The following HDGFL2 variants were observed in gnomAD, a reference collection of about 807,000 sequenced individuals.
HDGFL2 encodes the protein HDGF like 2.
HDGFL2 carries 36 observed loss-of-function variants against 77.1 expected under a neutral mutation model. That is an observed-to-expected ratio of 0.47 (90% CI 0.36 to 0.62). The LOEUF is 0.62. Ranked by LOEUF, HDGFL2 falls within the 20% of genes least tolerant of loss-of-function variation. HDGFL2 has a pLI of 0.00. For missense variants in HDGFL2, 976 were observed against 973.4 expected, an observed-to-expected ratio of 1.00 and a Z score of -0.04; for synonymous variants, 463 against 413.1, an observed-to-expected ratio of 1.12 and a Z score of -1.46.
In HDGFL2 at chr19:4,487,972, T is replaced by C. The variant is rs200222409; in HGVS notation, c.289-704T>C. Among the ~76,000 whole-genome samples, 12 of 152,072 alleles carry C rather than the reference T, an allele frequency of 7.9e-5. No homozygotes were observed. The East Asian group carries it at 2.1e-3, about 27-fold the overall frequency. The stretch of plus-strand genomic sequence containing the variant: ...AAAAAAAAAAAGGAACCATTTCTTT[T>C]CTTTTTTTATTTTTTTGAGACAGAG... On this transcript the variant is annotated intron_variant, in intron 3 of 15. Transcript: ENST00000616600.
intron 7 of HDGFL2, 24 bp from the exon 8 acceptor site, chr19:4,493,958 C>T (rs1195593424): frequency 6.3e-7 from 1 of 1,595,646 alleles, no homozygotes; most frequent in Non-Finnish European, 8.5e-7. Flanking sequence ...AAGGGAAGGT[C>T]ACCCCCTCCT....
intron 15 of HDGFL2, 36 bp from the exon 16 acceptor site, chr19:4,501,875 A>C: frequency 7.2e-7 from 1 of 1,388,552 alleles, no homozygotes; most frequent in Non-Finnish European, 9.4e-7. Flanking sequence ...CAGGGGCGGG[A>C]GGGCATCCTC....
Position 4,496,316 on chromosome 19 carries a change from G to A in HDGFL2, c.1239G>A (p.Ala413=), listed in dbSNP as rs780946177. 21 of 1,613,976 alleles carry A rather than the reference G, an allele frequency of 1.3e-5. No homozygotes were observed. Among genetic ancestry groups the A allele is most frequent in the Middle Eastern group, 1.6e-4 (1 of 6,084 alleles). The part of the protein sequence containing the change: ...AELEREAKKS[A]KKPQSSSTEP... ...GACTGCTATAGGCCAAGAAATCAGC[G>A]AAGAAGCCGCAGTCCTCAAGCACAG... The change falls in exon 10 of 16, where the codon GCG becomes GCA. Residue 413 remains alanine, a synonymous_variant. Coordinates refer to ENST00000616600, the MANE Select transcript of HDGFL2 (RefSeq NM_001001520.3).
intron 6 of HDGFL2, among the ~76,000 whole-genome samples, chr19:4,493,247 GTGT>G (rs1293127937): frequency 6.9e-6 from 1 of 143,922 alleles, no homozygotes; most frequent in East Asian, 2.1e-4. Flanking sequence ...TGTGGTATGT[GTGT>G]TGTCTGTGTG....
chr19:4,496,436 G>A, intron 10 of HDGFL2, 31 bp downstream of exon 10: 2 of 1,565,164 alleles, frequency 1.3e-6, no homozygotes, highest in African/African-American at 2.7e-5. Context: ...CCACACCCTG[G>A]GGGCCCCGCA....
At chr19:4,479,262 A>G (rs1428868730) in intron 3 of HDGFL2, among the ~76,000 whole-genome samples, 2 of 151,732 alleles carry the variant, frequency 1.3e-5, no homozygotes, top group East Asian at 3.9e-4. Flanking sequence ...CAGACTGGCC[A>G]ACAGAATGAA....
chr19:4,501,472 GGC>G, intron 15 of HDGFL2, 155 bp downstream of exon 15: 1 of 871,572 alleles, frequency 1.1e-6, no homozygotes. Context: ...CTGACCCCAG[GGC>G]CCCGCTGGCT....
At chr19:4,477,952 C>A (rs1038243650) in intron 3 of HDGFL2, among the ~76,000 whole-genome samples, 6 of 151,688 alleles carry the variant, frequency 4.0e-5, no homozygotes, top group African/African-American at 1.5e-4. Flanking sequence ...TGGTGGCAGG[C>A]GCCTATAATC....
chr19:4,494,116 G>A (rs750946761), intron 8 of HDGFL2, 50 bp from the exon 9 acceptor site: 5 of 1,505,134 alleles, frequency 3.3e-6, no homozygotes, highest in East Asian at 4.9e-5. Context: ...GGGGCAGGGC[G>A]GGCTCCTGAG....
chr19:4,491,269 A>G, intron 4 of HDGFL2, among the ~76,000 whole-genome samples: 1 of 19,458 alleles, frequency 5.1e-5, no homozygotes, highest in African/African-American at 1.9e-4. Context: ...CCACCCCCCC[A>G]CCCCCCCACC....
intron 10 of HDGFL2, 65 bp downstream of exon 10, chr19:4,496,470 A>C (rs1599722248): frequency 8.1e-7 from 1 of 1,239,336 alleles, no homozygotes; most frequent in East Asian, 2.5e-5. Context: ...CACAACCCTC[A>C]CCCCTCACAG....
chr19:4,498,678 G>A, intron 12 of HDGFL2, 136 bp from the exon 13 acceptor site: 1 of 645,926 alleles, frequency 1.5e-6, no homozygotes, highest in Non-Finnish European at 2.7e-6. Flanking sequence ...ACTGGACGGG[G>A]GCTGAGGGGA....
chr19:4,481,114 T>G (rs1019088250), intron 3 of HDGFL2, among the ~76,000 whole-genome samples: 1 of 150,978 alleles, frequency 6.6e-6, no homozygotes, highest in African/African-American at 2.4e-5. Context: ...CTCCGCCTCC[T>G]GGGTTCACGC....
At position 4,494,071 on chromosome 19, in the gene HDGFL2, C is replaced by T. The variant is rs747225203; in HGVS notation, c.914+14C>T. ...CAGCAGTGACAGGTGGGTGCTGGGG[C>T]TGGGGTCCCCTCTGGCGGCTCCTCC... On this transcript the variant is annotated intron_variant, in intron 8 of 15. Transcript: ENST00000616600. The T allele has an allele frequency of 5.7e-6, 9 of 1,588,008 alleles. No individual in the cohort carries two copies. Among genetic ancestry groups the T allele is most frequent in the Non-Finnish European group, 7.7e-6 (9 of 1,167,816 alleles).
intron 6 of HDGFL2, 123 bp from the exon 7 acceptor site, chr19:4,493,580 G>T: frequency 8.1e-7 from 1 of 1,231,512 alleles, no homozygotes; most frequent in Admixed American, 3.9e-5. Context: ...TCGGAGCCGG[G>T]CCCTGAGCCG....
intron 14 of HDGFL2, among the ~76,000 whole-genome samples, chr19:4,500,444 C>T (rs1012548514): frequency 7.1e-6 from 1 of 141,312 alleles, no homozygotes; most frequent in Non-Finnish European, 1.5e-5. Context: ...CACCACTATG[C>T]CCTGCTAATT....
At chr19:4,496,584 T>C (rs1413143190) in intron 10 of HDGFL2, among the ~76,000 whole-genome samples, 179 bp downstream of exon 10, 1 of 152,112 alleles carries the variant, frequency 6.6e-6, no homozygotes, top group Non-Finnish European at 1.5e-5. Context: ...GGGAGTGGGA[T>C]CTTTGCCCAG....
chr19:4,489,753 G>A (rs991022353), intron 4 of HDGFL2, among the ~76,000 whole-genome samples: 1 of 152,090 alleles, frequency 6.6e-6, no homozygotes, highest in African/African-American at 2.4e-5. Context: ...AAAAAAAATT[G>A]AGTTATAGTC....
At position 4,490,051 on chromosome 19, in the gene HDGFL2, G is replaced by C. The variant is rs547187379; in HGVS notation, c.489+1175G>C. Among the ~76,000 whole-genome samples the C allele has an allele frequency of 4.6e-5, 7 of 152,256 alleles. 1 individual carries two copies. In the South Asian group the frequency reaches 1.4e-3, roughly 32 times the overall value. On this transcript the variant is annotated intron_variant, in intron 4 of 15. Coordinates refer to ENST00000616600, the MANE Select transcript of HDGFL2 (RefSeq NM_001001520.3). Reference sequence around the variant, plus strand: ...TCACCAAGCGTGACGTCCTCAGGGTGCATCCGCACTGCAGCCCGGGTCAGC... The same window carrying C: ...TCACCAAGCGTGACGTCCTCAGGGTCCATCCGCACTGCAGCCCGGGTCAGC...
Sources: allele counts gnomAD v4.1 joint callset (sites outside exome capture counted in the v4.1 genomes callset), GRCh38; gene constraint gnomAD v4.1.1; transcripts MANE v1.5; gene names NCBI Gene and HGNC (gene_info 2026-07-23, HGNC 2026-07-21).